The following TPP2 variants were observed in gnomAD, a reference collection of about 807,000 sequenced individuals.
The protein encoded by TPP2 is tripeptidyl-peptidase 2.
A neutral mutation model predicts 155.9 loss-of-function variants in TPP2; 34 were observed. The ratio of observed to expected loss-of-function variants is 0.22; its 90% CI spans 0.17 to 0.29. TPP2 has a LOEUF of 0.29. Ranked by LOEUF, TPP2 falls within the 10% of genes least tolerant of loss-of-function variation. The pLI is 1.00. For missense variants in TPP2, 1,028 were observed against 1,522.3 expected (o/e 0.68, Z 5.40); for synonymous variants, 510 against 529.4 (o/e 0.96, Z 0.50).
intron 27 of TPP2, chr13:102,667,644 A>G (rs1212761237): frequency 3.3e-6 from 2 of 602,782 alleles, no homozygotes; most frequent in Non-Finnish European, 2.1e-6. Flanking sequence ...GGAAAGGAAT[A>G]CTCCAGATAT....
At chr13:102,617,368 C>T (rs1457753007) in intron 4 of TPP2, among the ~76,000 whole-genome samples, 1 of 152,242 alleles carries the variant, frequency 6.6e-6, no homozygotes, top group Non-Finnish European at 1.5e-5. Flanking sequence ...GGAATTGATA[C>T]TGATGAACTG....
intron 9 of TPP2, 110 bp from the exon 10 acceptor site, chr13:102,629,986 A>G: frequency 1.2e-6 from 1 of 834,552 alleles, no homozygotes; most frequent in Non-Finnish European, 1.9e-6. Context: ...CCATCGTATT[A>G]GAGAGAGGAC....
At chr13:102,612,814 G>A (rs1251808459) in intron 2 of TPP2, among the ~76,000 whole-genome samples, 1 of 152,112 alleles carries the variant, frequency 6.6e-6, no homozygotes, top group African/African-American at 2.4e-5. Flanking sequence ...TTAAGAAATT[G>A]TGATTAAATA....
chr13:102,656,023 A>G (rs951634253), intron 24 of TPP2, among the ~76,000 whole-genome samples: 5 of 152,116 alleles, frequency 3.3e-5, no homozygotes, highest in Non-Finnish European at 5.9e-5. Context: ...TCTCAAATCT[A>G]TTCATTTTCT....
At chr13:102,597,590 G>T (rs933040820) in intron 1 of TPP2, among the ~76,000 whole-genome samples, 3 of 152,202 alleles carry the variant, frequency 2.0e-5, no homozygotes, top group Admixed American at 2.0e-4. Context: ...TTCCCTCCAC[G>T]CCGCCTTCCT....
At chr13:102,629,404 T>G (rs1881867183) in intron 8 of TPP2, 78 bp from the exon 9 acceptor site, 1 of 1,374,162 alleles carries the variant, frequency 7.3e-7, no homozygotes, top group Admixed American at 3.0e-5. Context: ...AGCCATATAT[T>G]TAAACAAGGT....
At chr13:102,676,456 A>G in intron 29 of TPP2, 41 bp downstream of exon 29, 1 of 1,596,334 alleles carries the variant, frequency 6.3e-7, no homozygotes, top group East Asian at 2.3e-5. Context: ...CATCACTTTG[A>G]TATTGCATAG....
rs77150886 is a variant in TPP2, at chr13:102,606,953, G to T, written c.294+2032G>T. Among the ~76,000 whole-genome samples the T allele has an allele frequency of 2.4e-3, 367 of 152,268 alleles. 2 individuals carry two copies. The highest frequency in any genetic ancestry group is 8.4e-3 in the African/African-American group (350 of 41,546). Reference sequence around the variant, plus strand: ...GTTGGGCCTTTGGGAGGTATTTAGGGTTAGATGAGGTTATGAGTATGTGTC... The same window carrying T: ...GTTGGGCCTTTGGGAGGTATTTAGGTTTAGATGAGGTTATGAGTATGTGTC... On this transcript the variant is annotated intron_variant, in intron 2 of 29. Transcript: ENST00000376052.
intron 23 of TPP2, 47 bp downstream of exon 23, chr13:102,649,533 C>G (rs1351157150): frequency 2.0e-6 from 3 of 1,504,994 alleles, no homozygotes; most frequent in Admixed American, 1.9e-5. Flanking sequence ...TAAAAAATTT[C>G]ATTTCTTTAA....
rs1481638873 is a variant in TPP2 at position 102,678,223 on chromosome 13, G to C, written c.3700-4G>C. ...TAATAATATATTATTGTATTTTGTT[G>C]TAGCTGATGAAGTTACTTGGATGGA... On this transcript the variant is annotated splice_region_variant and splice_polypyrimidine_tract_variant and intron_variant, in intron 29 of 29. Coordinates refer to ENST00000376052, the MANE Select transcript of TPP2 (RefSeq NM_001330588.2). 9.9e-6 allele frequency: 16 copies of C among 1,608,048 alleles called. No individual in the cohort carries two copies. The highest frequency in any genetic ancestry group is 1.4e-5 in the Non-Finnish European group (16 of 1,177,880).
intron 10 of TPP2, 25 bp downstream of exon 10, chr13:102,630,220 C>T (rs1203025048): frequency 6.4e-7 from 1 of 1,555,806 alleles, no homozygotes; most frequent in Non-Finnish European, 8.9e-7. Context: ...AACGCGGAAC[C>T]ATTACGTATA....
At chr13:102,624,020 G>A (rs1282381528) in intron 6 of TPP2, among the ~76,000 whole-genome samples, 7 of 152,056 alleles carry the variant, frequency 4.6e-5, no homozygotes, top group Non-Finnish European at 7.4e-5. Flanking sequence ...TAGTTGGTGC[G>A]GAACCTGTGG....
intron 1 of TPP2, 69 bp downstream of exon 1, chr13:102,597,272 T>G: frequency 1.1e-6 from 1 of 925,822 alleles, no homozygotes; most frequent in Non-Finnish European, 1.5e-6. Flanking sequence ...GGACACAGTC[T>G]CGGAGCCCGG....
At chr13:102,646,735 G>C (rs533685177) in intron 20 of TPP2, among the ~76,000 whole-genome samples, 64 of 152,264 alleles carry the variant, frequency 4.2e-4, no homozygotes, top group African/African-American at 1.5e-3. Flanking sequence ...TGCTTTCTGC[G>C]AAGAAGGCAC....
intron 27 of TPP2, among the ~76,000 whole-genome samples, chr13:102,670,738 C>G (rs1418556680): frequency 6.6e-6 from 1 of 152,046 alleles, no homozygotes; most frequent in Non-Finnish European, 1.5e-5. Context: ...TGGGGTGAAG[C>G]CAGTTAATAT....
intron 15 of TPP2, 120 bp from the exon 16 acceptor site, chr13:102,640,150 G>A: frequency 1.3e-6 from 1 of 766,610 alleles, no homozygotes; most frequent in Non-Finnish European, 2.0e-6. Context: ...TTTGTAACCA[G>A]CTTCTAAGTC....
At chr13:102,643,096 T>C (rs1014036084) in intron 16 of TPP2, 126 bp from the exon 17 acceptor site, 1 of 797,990 alleles carries the variant, frequency 1.3e-6, no homozygotes, top group Non-Finnish European at 1.8e-6. Context: ...TGAGTGTACA[T>C]TTTATTTTTG....
At chr13:102,598,127 G>A (rs1019513928) in intron 1 of TPP2, among the ~76,000 whole-genome samples, 3 of 152,080 alleles carry the variant, frequency 2.0e-5, no homozygotes, top group African/African-American at 7.2e-5. Flanking sequence ...AAAGCATTCT[G>A]TTTAAAGTCT....
chr13:102,622,814 T>G (rs567978233), intron 5 of TPP2, 63 bp from the exon 6 acceptor site: 1 of 1,523,278 alleles, frequency 6.6e-7, no homozygotes, highest in Non-Finnish European at 8.8e-7. Context: ...GAGACTATGT[T>G]ACATGATTTT....
Sources: gnomAD v4.1 joint callset for allele counts (sites outside exome capture counted in the v4.1 genomes callset) on GRCh38, gnomAD v4.1.1 for gene constraint, MANE v1.5 for transcripts, NCBI Gene and HGNC (gene_info 2026-07-23, HGNC 2026-07-21) for gene names.